Variants in RBPJ observed in about 807,000 individuals in gnomAD.
The protein encoded by RBPJ is recombining binding protein suppressor of hairless.
In RBPJ, 9 loss-of-function variants were observed where a neutral mutation model predicts 67.8. That is an observed-to-expected ratio of 0.13 (90% CI 0.08 to 0.23). The LOEUF (loss-of-function observed/expected upper bound fraction) is 0.23, where lower values mean the gene tolerates loss of function less well. RBPJ is among the 10% of genes least tolerant of loss of function. The probability of loss-of-function intolerance (pLI) is 1.00; values close to 1 mark genes in which losing one functional copy is unlikely to be tolerated. For missense variants in RBPJ, 305 were observed against 595.6 expected, an observed-to-expected ratio of 0.51 and a Z score of 5.08; for synonymous variants, 198 against 203.3, an observed-to-expected ratio of 0.97 and a Z score of 0.22.
chr4:26,249,779 CTTTTTTTTTTTCTTTTTT>C (rs1720042336), intron 1 of RBPJ, among the ~76,000 whole-genome samples: 1 of 143,166 alleles, frequency 7.0e-6, no homozygotes. Context: ...AGAACTTTCT[CTTTTTTTTTTTCTTTTTT>C]TTTTTTTTTG....
chr4:26,372,519 A>C (rs1192085377), intron 1 of RBPJ, among the ~76,000 whole-genome samples: 17 of 152,226 alleles, frequency 1.1e-4, no homozygotes, highest in Admixed American at 7.9e-4. Flanking sequence ...ATTTGAGTTC[A>C]TACATAGCAT....
At position 26,345,588 on chromosome 4, in the gene RBPJ, A is replaced by G. The variant is rs115799024; in HGVS notation, c.20+24540A>G. Among the ~76,000 whole-genome samples, 919 of 152,336 alleles carry G rather than the reference A, an allele frequency of 6.0e-3. 13 individuals are homozygous for G. Among genetic ancestry groups the G allele is most frequent in the African/African-American group, 0.021 (879 of 41,568 alleles). ...GAACTTGAGAGCATCCAAAATTGTA[A>G]GTTTATATAGTTCCTACATCCCTGG... On this transcript the variant is annotated intron_variant, in intron 1 of 10. Coordinates refer to ENST00000355476, the MANE Select transcript of RBPJ (RefSeq NM_015874.6).
At chr4:26,250,079 C>A (rs575672974) in intron 1 of RBPJ, among the ~76,000 whole-genome samples, 1 of 152,178 alleles carries the variant, frequency 6.6e-6, no homozygotes, top group Admixed American at 6.5e-5. Context: ...AGCCACCGCG[C>A]CTGGCCTTCC....
At position 26,332,501 on chromosome 4, in the gene RBPJ, T is replaced by A. The variant is rs144254419; in HGVS notation, c.20+11453T>A. Among the ~76,000 whole-genome samples the A allele has an allele frequency of 3.1e-3, 479 of 152,334 alleles. 3 individuals carry two copies. Among genetic ancestry groups the A allele is most frequent in the African/African-American group, 0.011 (440 of 41,588 alleles). ...TAATTTAAAAGGCATTTATTTAATT[T>A]TTAGCTTGTTTTCATAGTTATTTCA... On this transcript the variant is annotated intron_variant, in intron 1 of 10. Transcript: ENST00000355476.
intron 1 of RBPJ, among the ~76,000 whole-genome samples, chr4:26,382,794 G>C (rs1730458042): frequency 6.6e-6 from 1 of 152,142 alleles, no homozygotes; most frequent in Non-Finnish European, 1.5e-5. Context: ...ACCCACCTTG[G>C]CCTCCCAAAG....
At position 26,286,354 on chromosome 4, in the gene RBPJ, C is replaced by G. The variant is rs73245751; in HGVS notation, c.-166-76092C>G. Among the ~76,000 whole-genome samples, 1,393 of 151,610 alleles carry G rather than the reference C, an allele frequency of 9.2e-3. 12 individuals carry two copies. Among genetic ancestry groups the G allele is most frequent in the Non-Finnish European group, 0.015 (1,028 of 67,956 alleles). The stretch of plus-strand genomic sequence containing the variant: ...TAGCCAGATGCGTGGTGGTGAGCAC[C>G]TGTGGTCCCAGCTACTTAGGAGGCT... On this transcript the variant is annotated intron_variant, in intron 1 of 4. Coordinates refer to the RBPJ transcript ENST00000512351.
chr4:26,253,279 T>C (rs1720172279), intron 1 of RBPJ, among the ~76,000 whole-genome samples: 1 of 151,944 alleles, frequency 6.6e-6, no homozygotes, highest in African/African-American at 2.4e-5. Context: ...TTTAACTGCA[T>C]TTTATCAGAT....
At chr4:26,191,206 TATATAG>T (rs1351399928) in intron 1 of RBPJ, among the ~76,000 whole-genome samples, 1,059 of 30,402 alleles carry the variant, frequency 0.035, 11 homozygotes, top group Non-Finnish European at 0.045. Context: ...TATATATATA[TATATAG>T]AGAGAGAGAG....
chr4:26,319,614 C>T, upstream of RBPJ: 1 of 580,214 alleles, frequency 1.7e-6, no homozygotes, highest in Non-Finnish European at 3.1e-6. Flanking sequence ...GGCACGTTCT[C>T]GCGAGGTTTA....
chr4:26,314,814 A>G (rs942563333), upstream of RBPJ, among the ~76,000 whole-genome samples: 2 of 152,092 alleles, frequency 1.3e-5, no homozygotes, highest in Non-Finnish European at 2.9e-5. Context: ...TATAGTTTCC[A>G]TAGATGTTAT....
the RBPJ span, among the ~76,000 whole-genome samples, chr4:26,148,217 C>T: frequency 6.6e-6 from 1 of 151,902 alleles, no homozygotes; most frequent in Admixed American, 6.6e-5. Context: ...TGCCTTTTAC[C>T]AAGAGGGAGA....
intron 1 of RBPJ, among the ~76,000 whole-genome samples, chr4:26,208,676 C>G (rs1168538224): frequency 6.6e-6 from 1 of 152,130 alleles, no homozygotes; most frequent in African/African-American, 2.4e-5. Context: ...GCACAATTTT[C>G]TTGCTTAATT....
intron 1 of RBPJ, among the ~76,000 whole-genome samples, chr4:26,239,339 ATTTGTAC>A (rs1265814085): frequency 1.3e-5 from 2 of 152,190 alleles, no homozygotes; most frequent in Non-Finnish European, 2.9e-5. Flanking sequence ...ATAAGCAGTT[ATTTGTAC>A]TTTGTTTTGC....
At chr4:26,421,827 G>C (rs1461705923) in intron 5 of RBPJ, among the ~76,000 whole-genome samples, 1 of 152,062 alleles carries the variant, frequency 6.6e-6, no homozygotes, top group Non-Finnish European at 1.5e-5. Context: ...GTTGACAGCA[G>C]CTCTTAAGTG....
chr4:26,114,194 C>G, the RBPJ span, among the ~76,000 whole-genome samples: 1 of 152,170 alleles, frequency 6.6e-6, no homozygotes, highest in Admixed American at 6.5e-5. Flanking sequence ...CGTGTTGGCT[C>G]ATGCCTGTAA....
the RBPJ span, among the ~76,000 whole-genome samples, chr4:26,141,821 C>G: frequency 1.3e-5 from 2 of 152,210 alleles, no homozygotes; most frequent in African/African-American, 4.8e-5. Context: ...CCCTTCCCAG[C>G]CTCCAGTTCC....
At chr4:26,389,322 A>G (rs1337567229) in intron 2 of RBPJ, among the ~76,000 whole-genome samples, 1 of 151,724 alleles carries the variant, frequency 6.6e-6, no homozygotes, top group Non-Finnish European at 1.5e-5. Context: ...AAAACAACAG[A>G]AAACCAAAGA....
At chr4:26,132,930 G>A in the RBPJ span, among the ~76,000 whole-genome samples, 8 of 152,104 alleles carry the variant, frequency 5.3e-5, no homozygotes, top group Non-Finnish European at 1.0e-4. Context: ...GTGGGTTTTC[G>A]TACTGTTATT....
the RBPJ span, among the ~76,000 whole-genome samples, chr4:26,149,543 GAGGTGATT>G: frequency 6.6e-6 from 1 of 152,232 alleles, no homozygotes; most frequent in African/African-American, 2.4e-5. Context: ...GGATCCTTAA[GAGGTGATT>G]AGGTCACATG....
Sources: gnomAD v4.1 joint callset for allele counts (sites outside exome capture counted in the v4.1 genomes callset) on GRCh38, gnomAD v4.1.1 for gene constraint, MANE v1.5 for transcripts, NCBI Gene and HGNC (gene_info 2026-07-23, HGNC 2026-07-21) for gene names.